AOX1: variants seen among roughly 807,000 people sequenced by gnomAD.
AOX1 encodes aldehyde oxidase.
AOX1 carries 153 observed loss-of-function variants against 169.5 expected under a neutral mutation model. That is an observed-to-expected ratio of 0.90 (90% confidence interval 0.79 to 1.03). The LOEUF (loss-of-function observed/expected upper bound fraction) is 1.03. Ranked by LOEUF, AOX1 falls within the 50% of genes least tolerant of loss-of-function variation. The pLI, the probability that AOX1 is intolerant of heterozygous loss-of-function variation, is 0.00. For missense variants in AOX1, 1,656 were observed against 1,663.9 expected, an observed-to-expected ratio of 1.00 and a Z score of 0.08; for synonymous variants, 562 against 581.9, an observed-to-expected ratio of 0.97 and a Z score of 0.49.
intron 25 of AOX1, among the ~76,000 whole-genome samples, chr2:200,644,612 T>C (rs746138173): frequency 2.0e-5 from 3 of 152,174 alleles, no homozygotes; most frequent in Non-Finnish European, 2.9e-5. Context: ...TTGATGGGGA[T>C]TGCACTGAAT....
At chr2:200,642,374 T>A (rs2035368523) in intron 24 of AOX1, among the ~76,000 whole-genome samples, 2 of 152,248 alleles carry the variant, frequency 1.3e-5, no homozygotes, top group South Asian at 4.1e-4. Context: ...TCTTAAAAAA[T>A]GCATTAACTC....
At chr2:200,631,141 G>A (rs2035118070) in intron 20 of AOX1, among the ~76,000 whole-genome samples, 5 of 152,176 alleles carry the variant, frequency 3.3e-5, no homozygotes, top group East Asian at 1.9e-4. Flanking sequence ...TATCTGCTGC[G>A]AAGATATATT....
rs112472592 is a variant in AOX1 at position 200,613,027 on chromosome 2, T to TGTGTGA, written c.1448+235_1448+236insTGTGAG. ...GCGTGTGTGTGTGTGTGTGTGTGTGTGAGAGAGAGAGAGAGAGACAGACAG... is the reference window on the plus strand; with the variant it reads ...GCGTGTGTGTGTGTGTGTGTGTGTGTGTGTGAGAGAGAGAGAGAGAGAGACAGACAG... On this transcript the variant is annotated intron_variant, in intron 14 of 34. Coordinates refer to ENST00000374700, the MANE Select transcript of AOX1 (RefSeq NM_001159.4). 4.7e-3 allele frequency among the ~76,000 whole-genome samples: 687 copies of TGTGTGA among 146,208 alleles called. 3 individuals carry two copies. Among genetic ancestry groups the TGTGTGA allele is most frequent in the Non-Finnish European group, 7.3e-3 (488 of 66,776 alleles).
chr2:200,590,221 C>G (rs1231268528), intron 1 of AOX1, among the ~76,000 whole-genome samples: 2 of 152,092 alleles, frequency 1.3e-5, no homozygotes, highest in East Asian at 3.9e-4. Context: ...GCAGGGCCTC[C>G]TCAGGCACTA....
chr2:200,676,033 T>C (rs1255095625), downstream of AOX1, among the ~76,000 whole-genome samples: 2 of 150,540 alleles, frequency 1.3e-5, no homozygotes, highest in Non-Finnish European at 3.0e-5. Context: ...TATGTATCTA[T>C]GTATATGTGC....
intron 12 of AOX1, among the ~76,000 whole-genome samples, chr2:200,610,995 A>G (rs2034625646): frequency 6.6e-6 from 1 of 152,120 alleles, no homozygotes; most frequent in Non-Finnish European, 1.5e-5. Context: ...CTGGGACTAC[A>G]GGTGCGCACA....
downstream of AOX1, among the ~76,000 whole-genome samples, chr2:200,681,184 G>GT (rs34179506): frequency 1.3e-5 from 2 of 152,158 alleles, no homozygotes; most frequent in Admixed American, 6.5e-5. Context: ...CCTCAATGGA[G>GT]TTTTTTTCCA....
intron 20 of AOX1, 129 bp from the exon 21 acceptor site, chr2:200,634,661 GT>G: frequency 8.8e-7 from 1 of 1,133,532 alleles, no homozygotes; most frequent in Non-Finnish European, 1.2e-6. Context: ...AAACATTGTT[GT>G]TTGTTATACT....
chr2:200,586,223 G>T (rs1441029824), intron 1 of AOX1, 70 bp downstream of exon 1: 105 of 1,442,106 alleles, frequency 7.3e-5, no homozygotes, highest in Middle Eastern at 1.8e-4. Flanking sequence ...AGCCCCTGCC[G>T]TTCGTCCCAT....
chr2:200,613,696 G>A, intron 14 of AOX1, 108 bp from the exon 15 acceptor site: 1 of 1,132,298 alleles, frequency 8.8e-7, no homozygotes, highest in South Asian at 2.0e-5. Flanking sequence ...TCCAGAGCTT[G>A]TACTCTTATT....
At chr2:200,665,578 C>T (rs1035031215) in intron 31 of AOX1, among the ~76,000 whole-genome samples, 3 of 152,138 alleles carry the variant, frequency 2.0e-5, no homozygotes, top group Admixed American at 6.5e-5. Context: ...ACTACAGGCA[C>T]GTGCCATCAC....
At chr2:200,595,830 T>C (rs923092011) in intron 3 of AOX1, among the ~76,000 whole-genome samples, 1 of 152,312 alleles carries the variant, frequency 6.6e-6, no homozygotes, top group East Asian at 1.9e-4. Context: ...CCCTAACTTA[T>C]CTCCTTCCTC....
In AOX1 at chr2:200,670,939, T is replaced by C; in HGVS notation, c.*260T>C. The C allele has an allele frequency of 2.6e-6, 1 of 388,048 alleles. No individual in the cohort carries two copies. Among genetic ancestry groups the C allele is most frequent in the Non-Finnish European group, 4.6e-6 (1 of 217,378 alleles). The allele number at this position is 388,048 out of a possible 1,614,324, so 24.0% of individuals were successfully genotyped here. The stretch of plus-strand genomic sequence containing the variant: ...GGGTGATATCCGTCATTACTCTGTC[T>C]CTTCAATCCATCCAGCTAAATGGAA... On this transcript the variant is annotated 3_prime_UTR_variant, in exon 35 of 35. Transcript: ENST00000374700.
At chr2:200,610,272 A>G (rs895425568) in intron 12 of AOX1, among the ~76,000 whole-genome samples, 3 of 152,066 alleles carry the variant, frequency 2.0e-5, no homozygotes, top group Non-Finnish European at 4.4e-5. Flanking sequence ...TGGTTTCACT[A>G]TGTTGGCCAG....
intron 10 of AOX1, among the ~76,000 whole-genome samples, chr2:200,606,188 C>T (rs1559235004): frequency 3.9e-5 from 6 of 152,014 alleles, no homozygotes; most frequent in Admixed American, 3.3e-4. Context: ...GGTCCAATTT[C>T]GTTTTCTGCA....
At chr2:200,593,721 A>C (rs1308470525) in intron 2 of AOX1, among the ~76,000 whole-genome samples, 1 of 152,238 alleles carries the variant, frequency 6.6e-6, no homozygotes, top group African/African-American at 2.4e-5. Context: ...ATTATATGCA[A>C]AATTATGTTT....
intron 20 of AOX1, among the ~76,000 whole-genome samples, chr2:200,629,694 T>C (rs1314749735): frequency 2.0e-5 from 3 of 152,194 alleles, no homozygotes; most frequent in Non-Finnish European, 4.4e-5. Context: ...ATTTCTATCA[T>C]AGAGCGTTCC....
chr2:200,619,777 C>T (rs1282070793), intron 16 of AOX1, among the ~76,000 whole-genome samples: 1 of 152,188 alleles, frequency 6.6e-6, no homozygotes, highest in Non-Finnish European at 1.5e-5. Flanking sequence ...GCTTCATTCT[C>T]TATCAGGATT....
intron 1 of AOX1, 98 bp from the exon 2 acceptor site, chr2:200,593,048 G>C (rs538955336): frequency 1.1e-5 from 10 of 899,764 alleles, no homozygotes; most frequent in Non-Finnish European, 1.6e-5. Flanking sequence ...TGAGTAAAAG[G>C]GCTAATTAAC....
Sources: gnomAD v4.1 joint callset for allele counts (sites outside exome capture counted in the v4.1 genomes callset) on GRCh38, gnomAD v4.1.1 for gene constraint, MANE v1.5 for transcripts, NCBI Gene and HGNC (gene_info 2026-07-23, HGNC 2026-07-21) for gene names.